Variants in ASAH2 observed in about 807,000 individuals in gnomAD.
ASAH2 encodes the protein neutral ceramidase.
In ASAH2, 58 loss-of-function variants were observed where a neutral mutation model predicts 82.9. That is an observed-to-expected ratio of 0.70 (90% CI 0.57 to 0.87). The LOEUF (loss-of-function observed/expected upper bound fraction) is 0.87, where lower values mean the gene tolerates loss of function less well. Among genes scored for constraint, ASAH2 ranks in the 40% least tolerant of loss-of-function variants. The pLI, the probability that ASAH2 is intolerant of heterozygous loss-of-function variation, is 0.00. For synonymous variants in ASAH2, 276 were observed against 289.7 expected (o/e 0.95, Z 0.48); for missense variants, 779 against 834.0 (o/e 0.93, Z 0.81).
intron 4 of ASAH2, among the ~76,000 whole-genome samples, chr10:50,241,990 CA>C (rs1457936194): frequency 6.6e-6 from 1 of 151,860 alleles, no homozygotes; most frequent in African/African-American, 2.4e-5. Flanking sequence ...AGCTATGTAA[CA>C]AAACTCCACG....
At chr10:50,195,874 G>A (rs1400384652) in intron 18 of ASAH2, among the ~76,000 whole-genome samples, 46 of 151,898 alleles carry the variant, frequency 3.0e-4, no homozygotes, top group African/African-American at 1.1e-3. Flanking sequence ...GTAGAATGTT[G>A]GCAGAAGGTT....
chr10:50,200,396 C>T (rs1341806772), intron 16 of ASAH2, among the ~76,000 whole-genome samples: 2 of 150,820 alleles, frequency 1.3e-5, no homozygotes, highest in Non-Finnish European at 3.0e-5. Flanking sequence ...TGCTACTCAA[C>T]GAATTGTGGT....
intron 7 of ASAH2, among the ~76,000 whole-genome samples, chr10:50,225,396 C>T (rs1315321537): frequency 3.9e-5 from 6 of 152,012 alleles, no homozygotes; most frequent in Non-Finnish European, 5.9e-5. Flanking sequence ...CCAGGCTGGG[C>T]GACAGGGCGA....
rs983585360 is a variant in ASAH2, at chr10:50,248,480, T to C, written c.127+4A>G. ...TTGCATCTAAGAGAGCCCATGACACTTGCCTTTGTGGTTTTCAATGGTCCC... is the reference window on the plus strand; with the variant it reads ...TTGCATCTAAGAGAGCCCATGACACCTGCCTTTGTGGTTTTCAATGGTCCC... On this transcript the variant is annotated splice_donor_region_variant and intron_variant, in intron 2 of 20. Coordinates refer to ENST00000682911, the MANE Select transcript of ASAH2 (RefSeq NM_019893.4). 1 of 1,613,500 alleles carries C rather than the reference T, an allele frequency of 6.2e-7. No homozygotes were observed. Among genetic ancestry groups the C allele is most frequent in the Non-Finnish European group, 8.5e-7 (1 of 1,179,630 alleles).
chr10:50,224,611 G>A (rs1322518814), intron 7 of ASAH2, among the ~76,000 whole-genome samples: 1 of 152,106 alleles, frequency 6.6e-6, no homozygotes, highest in Non-Finnish European at 1.5e-5. Flanking sequence ...GAATACCTCT[G>A]ACTAATAACA....
intron 4 of ASAH2, among the ~76,000 whole-genome samples, chr10:50,240,990 G>A (rs1024715734): frequency 3.3e-5 from 5 of 152,220 alleles, no homozygotes; most frequent in African/African-American, 1.2e-4. Context: ...CTAAACCTGG[G>A]TCATACAATG....
At chr10:50,219,138 A>C (rs1845681845) in intron 7 of ASAH2, among the ~76,000 whole-genome samples, 1 of 152,234 alleles carries the variant, frequency 6.6e-6, no homozygotes, top group Non-Finnish European at 1.5e-5. Context: ...TTCAGGGACC[A>C]CAGATGACTA....
chr10:50,240,123 C>T (rs1045871096), intron 4 of ASAH2, among the ~76,000 whole-genome samples: 1 of 152,114 alleles, frequency 6.6e-6, no homozygotes, highest in Non-Finnish European at 1.5e-5. Flanking sequence ...CCACCACACC[C>T]GGCTGACTCA....
intron 7 of ASAH2, among the ~76,000 whole-genome samples, chr10:50,223,186 T>A (rs1207379424): frequency 1.3e-5 from 2 of 152,156 alleles, no homozygotes; most frequent in African/African-American, 4.8e-5. Flanking sequence ...GTAAACAACA[T>A]ATTAATATAA....
chr10:50,229,161 T>C (rs1845966031), intron 7 of ASAH2, among the ~76,000 whole-genome samples: 1 of 152,170 alleles, frequency 6.6e-6, no homozygotes, highest in Admixed American at 6.5e-5. Flanking sequence ...TAGTGTCTTA[T>C]TGCATCCGAG....
intron 18 of ASAH2, among the ~76,000 whole-genome samples, chr10:50,193,162 A>G (rs1328544361): frequency 3.4e-5 from 5 of 144,980 alleles, no homozygotes; most frequent in Non-Finnish European, 7.6e-5. Flanking sequence ...CCCCCCTGAA[A>G]CGACTAAAAA....
At chr10:50,197,104 A>C (rs1190473239) in intron 17 of ASAH2, among the ~76,000 whole-genome samples, 185 bp from the exon 18 acceptor site, 1 of 148,990 alleles carries the variant, frequency 6.7e-6, no homozygotes, top group Non-Finnish European at 1.5e-5. Flanking sequence ...AGAAATTCAT[A>C]ATTTAAACTC....
chr10:50,222,350 C>T (rs1845772816), intron 7 of ASAH2, among the ~76,000 whole-genome samples: 1 of 152,214 alleles, frequency 6.6e-6, no homozygotes, highest in Admixed American at 6.5e-5. Context: ...GCAATCATGG[C>T]TCACTTCAGC....
intron 12 of ASAH2, among the ~76,000 whole-genome samples, chr10:50,207,424 T>C (rs1845328610): frequency 6.6e-6 from 1 of 151,574 alleles, no homozygotes; most frequent in African/African-American, 2.4e-5. Context: ...TGGCAAAACT[T>C]TAGCTAGATT....
At chr10:50,244,321 C>A (rs922921837) in intron 3 of ASAH2, among the ~76,000 whole-genome samples, 2 of 152,182 alleles carry the variant, frequency 1.3e-5, no homozygotes, top group Admixed American at 1.3e-4. Flanking sequence ...TCACATACAC[C>A]TATCCCAAGC....
At chr10:50,237,427 T>C (rs901726550) in intron 4 of ASAH2, among the ~76,000 whole-genome samples, 1 of 152,180 alleles carries the variant, frequency 6.6e-6, no homozygotes, top group Non-Finnish European at 1.5e-5. Context: ...TGCCACATCA[T>C]GACACAGAAG....
rs775227080 is a variant in ASAH2 at position 50,248,562 on chromosome 10, G to A, written c.49C>T (p.Leu17Phe). ...SNLETFLIFL[L>F]VMMSAITVAL... ...ACTGTGATGGCACTCATCATTACAA[G>A]GAGGAAAATCAGGAATGTCTCCAAG... Residue 17 changes from leucine to phenylalanine, a missense_variant, in exon 2 of 21, where the codon CTT (leucine) becomes TTT (phenylalanine). Coordinates refer to ENST00000682911, the MANE Select transcript of ASAH2 (RefSeq NM_019893.4). 1 of 1,613,656 alleles carries A rather than the reference G, an allele frequency of 6.2e-7. No homozygotes were observed. Among genetic ancestry groups the A allele is most frequent in the Admixed American group, 1.7e-5 (1 of 60,004 alleles).
intron 3 of ASAH2, among the ~76,000 whole-genome samples, chr10:50,243,641 G>A (rs1378775832): frequency 6.6e-6 from 1 of 152,198 alleles, no homozygotes; most frequent in Non-Finnish European, 1.5e-5. Context: ...GAGGGAGCTG[G>A]TGAGGCTTTG....
rs768660890 is a variant in ASAH2 at position 50,234,412 on chromosome 10, G to A, written c.815+13C>T. On this transcript the variant is annotated intron_variant, in intron 6 of 20. Transcript: ENST00000682911. ...GGGAATGAAACGATTTCATTTTGAC[G>A]ATTCCTCCTCACCTTGCTCTCTCTG... is the stretch of plus-strand genomic sequence containing the variant. 78 of 1,612,606 alleles carry A rather than the reference G, an allele frequency of 4.8e-5. No homozygotes were observed. Among genetic ancestry groups the A allele is most frequent in the Non-Finnish European group, 5.4e-5 (64 of 1,179,046 alleles).
Sources: allele counts gnomAD v4.1 joint callset (sites outside exome capture counted in the v4.1 genomes callset), GRCh38; gene constraint gnomAD v4.1.1; transcripts MANE v1.5; gene names NCBI Gene and HGNC (gene_info 2026-07-23, HGNC 2026-07-21).